Variants in FOXP1 observed in about 807,000 individuals in gnomAD.
The protein encoded by FOXP1 is forkhead box protein P1.
FOXP1 carries 15 observed loss-of-function variants against 98.2 expected under a neutral mutation model. The ratio of observed to expected loss-of-function variants is 0.15; its 90% CI spans 0.10 to 0.24. FOXP1 has a LOEUF of 0.24. Among genes scored for constraint, FOXP1 ranks in the 10% least tolerant of loss-of-function variants. FOXP1 has a pLI of 1.00. For synonymous variants in FOXP1, 371 were observed against 314.5 expected, an observed-to-expected ratio of 1.18 and a Z score of -1.90; for missense variants, 633 against 848.5, an observed-to-expected ratio of 0.75 and a Z score of 3.15.
At chr3:71,165,677 G>T (rs1445554339) in intron 6 of FOXP1, among the ~76,000 whole-genome samples, 2 of 152,138 alleles carry the variant, frequency 1.3e-5, no homozygotes, top group Non-Finnish European at 2.9e-5. Flanking sequence ...AGGGGGACAG[G>T]TGTCGATTTA....
chr3:70,982,648 C>T lies in FOXP1; in HGVS notation c.1147-4619G>A, dbSNP rs74575357. ...AGGCATCAGCTTTTCTTTTAGCCAT[C>T]GAAACTATTCAAACTTGGTTGGCTA... On this transcript the variant is annotated intron_variant, in intron 14 of 20. Transcript: ENST00000649528. 9.3e-5 allele frequency among the ~76,000 whole-genome samples: 14 copies of T among 150,664 alleles called. No homozygotes were observed. The East Asian group carries it at 1.4e-3, about 15-fold the overall frequency.
At chr3:71,090,502 A>G (rs1021838514) in intron 7 of FOXP1, among the ~76,000 whole-genome samples, 3 of 152,340 alleles carry the variant, frequency 2.0e-5, no homozygotes, top group African/African-American at 4.8e-5. Flanking sequence ...AACTCTAACT[A>G]GAAGGCTTGA....
rs535688545 is a variant in FOXP1, at chr3:71,528,040, CAA to C, written c.-297-34487_-297-34486del. The stretch of plus-strand genomic sequence containing the variant: ...GGACATCAAGATGCCAGGAAAAAAG[CAA>C]AGAGACTTTGTGTATAGATGGTTTA... On this transcript the variant is annotated intron_variant, in intron 2 of 20. Coordinates refer to ENST00000649528, the MANE Select transcript of FOXP1 (RefSeq NM_001349338.3). Among the ~76,000 whole-genome samples the C allele has an allele frequency of 1.2e-4, 19 of 152,244 alleles. No homozygotes were observed. The South Asian group carries it at 3.7e-3, about 30-fold the overall frequency.
intron 5 of FOXP1, among the ~76,000 whole-genome samples, chr3:71,217,394 T>A (rs1440743695): frequency 1.3e-5 from 2 of 152,138 alleles, no homozygotes; most frequent in East Asian, 1.9e-4. Context: ...TCTTTTTTTT[T>A]ATTTAGGGAT....
At chr3:71,024,679 G>A (rs940324465) in intron 11 of FOXP1, among the ~76,000 whole-genome samples, 2 of 152,136 alleles carry the variant, frequency 1.3e-5, no homozygotes, top group African/African-American at 2.4e-5. Context: ...CGATATTCAT[G>A]AGTAAAACTT....
chr3:71,039,756 G>GA lies in FOXP1; in HGVS notation c.869+1571dup, dbSNP rs567940533. Among the ~76,000 whole-genome samples the GA allele has an allele frequency of 8.4e-3, 911 of 108,192 alleles. 2 individuals are homozygous for GA. The highest frequency in any genetic ancestry group is 0.018 in the East Asian group (67 of 3,804). 71.0% of individuals were successfully genotyped at this position (108,192 alleles called of 152,430 possible). A position where few individuals can be genotyped will look rare whatever the true frequency, so the allele number is the denominator to read the frequency against. On this transcript the variant is annotated intron_variant, in intron 11 of 20. Coordinates refer to ENST00000649528, the MANE Select transcript of FOXP1 (RefSeq NM_001349338.3). ...AATGCTCTCTAAGGTTTTCTTTCTT[G>GA]AAAAAAAAAAAAAAAAGAAGACATC...
chr3:71,301,397 A>T (rs1266342660), intron 4 of FOXP1, among the ~76,000 whole-genome samples: 1 of 152,110 alleles, frequency 6.6e-6, no homozygotes, highest in Non-Finnish European at 1.5e-5. Flanking sequence ...GCAGAGCCCC[A>T]CTCTACACAA....
intron 4 of FOXP1, among the ~76,000 whole-genome samples, chr3:71,316,660 CTTTT>C (rs1261668332): frequency 7.2e-6 from 1 of 139,756 alleles, no homozygotes; most frequent in African/African-American, 2.6e-5. Flanking sequence ...AGGGCATATT[CTTTT>C]TTTTTTTTTT....
intron 11 of FOXP1, among the ~76,000 whole-genome samples, chr3:71,029,774 GTCTGTT>G (rs1318199634): frequency 2.0e-5 from 3 of 152,168 alleles, no homozygotes; most frequent in Non-Finnish European, 2.9e-5. Context: ...ACTTTCAAGT[GTCTGTT>G]TCTATGTTTG....
intron 13 of FOXP1, 39 bp downstream of exon 13, chr3:71,000,933 G>T (rs2042054077): frequency 3.8e-6 from 5 of 1,318,456 alleles, no homozygotes; most frequent in Non-Finnish European, 5.5e-6. Flanking sequence ...GGAATTTGAG[G>T]CATACTGAGG....
chr3:71,154,091 TTCTTC>T lies in FOXP1; in HGVS notation c.181-41459_181-41455del, dbSNP rs766566171. 1.3e-4 allele frequency among the ~76,000 whole-genome samples: 17 copies of T among 128,900 alleles called. No homozygotes were observed. In the East Asian group the frequency reaches 5.3e-3, roughly 40 times the overall value. 84.6% of individuals were successfully genotyped at this position (128,900 alleles called of 152,430 possible). ...CCCCTTTGCATTCTTCTTCTTCTTC[TTCTTC>T]TTTTTTTTTGCAATTGACTAATAAT... On this transcript the variant is annotated intron_variant, in intron 6 of 20. Coordinates refer to ENST00000649528, the MANE Select transcript of FOXP1 (RefSeq NM_001349338.3).
At chr3:71,177,844 T>C (rs1222746657) in intron 6 of FOXP1, among the ~76,000 whole-genome samples, 22 of 143,214 alleles carry the variant, frequency 1.5e-4, no homozygotes, top group Admixed American at 2.8e-4. Flanking sequence ...TTCTTTCTTT[T>C]TTTTTTTTTT....
In FOXP1 at chr3:71,121,201, C is replaced by G. The variant is rs1294793182; in HGVS notation, c.181-8564G>C. Among the ~76,000 whole-genome samples, 2 of 151,932 alleles carry G rather than the reference C, an allele frequency of 1.3e-5. 1 individual carries two copies. Among genetic ancestry groups the G allele is most frequent in the African/African-American group, 4.8e-5 (2 of 41,368 alleles). On this transcript the variant is annotated intron_variant, in intron 6 of 20. Coordinates refer to ENST00000649528, the MANE Select transcript of FOXP1 (RefSeq NM_001349338.3). Reference sequence around the variant, plus strand: ...TGGACAGAGAGAGATGCCGAAGGCTCTAGATAGGAGGTGGCATTCTGCTAC... The same window carrying G: ...TGGACAGAGAGAGATGCCGAAGGCTGTAGATAGGAGGTGGCATTCTGCTAC...
At chr3:71,292,702 T>C (rs1226754317) in intron 5 of FOXP1, 3 of 152,174 alleles carry the variant, frequency 2.0e-5, no homozygotes. Context: ...TACCTTTAAT[T>C]ACATACCACA....
chr3:71,295,912 T>C lies in FOXP1; in HGVS notation c.-12+3908A>G, dbSNP rs757775094. On this transcript the variant is annotated intron_variant, in intron 5 of 20. Coordinates refer to ENST00000649528, the MANE Select transcript of FOXP1 (RefSeq NM_001349338.3). Reference sequence around the variant, plus strand: ...TTCTGGATGACCTTGGGTAAACTATTTATCATCAACGGGACCGTTTTTCCA... The same window carrying C: ...TTCTGGATGACCTTGGGTAAACTATCTATCATCAACGGGACCGTTTTTCCA... 6.0e-4 allele frequency among the ~76,000 whole-genome samples: 91 copies of C among 152,202 alleles called. 1 individual carries two copies. The highest frequency in any genetic ancestry group is 1.0e-3 in the Non-Finnish European group (71 of 68,034).
chr3:71,411,907 G>A (rs552453571), intron 3 of FOXP1, among the ~76,000 whole-genome samples: 49 of 152,320 alleles, frequency 3.2e-4, no homozygotes, highest in Non-Finnish European at 5.9e-4. Flanking sequence ...TCCACCGACT[G>A]AGACGTGGAT....
chr3:71,451,121 T>C (rs897319197), intron 3 of FOXP1, among the ~76,000 whole-genome samples: 11 of 152,202 alleles, frequency 7.2e-5, no homozygotes, highest in African/African-American at 2.4e-4. Flanking sequence ...TATTGTTTTA[T>C]TACAGTTCAA....
chr3:70,974,468 T>A (rs976442371), intron 17 of FOXP1, among the ~76,000 whole-genome samples: 2 of 151,394 alleles, frequency 1.3e-5, no homozygotes, highest in Non-Finnish European at 1.5e-5. Context: ...CAGCTAATTT[T>A]AAAAATTTTT....
rs1182907964 is a variant in FOXP1 at position 70,955,912 on chromosome 3, T to C, written c.*3335A>G. The stretch of plus-strand genomic sequence containing the variant: ...AACAGAAAAAAGAAATCTTCAACTA[T>C]GTTACAGTTTAAAAGCAGAAAAAAA... On this transcript the variant is annotated 3_prime_UTR_variant, in exon 21 of 21. Coordinates refer to ENST00000649528, the MANE Select transcript of FOXP1 (RefSeq NM_001349338.3). 6 of 232,802 alleles carry C rather than the reference T, an allele frequency of 2.6e-5. No individual in the cohort carries two copies. The highest frequency in any genetic ancestry group is 4.2e-5 in the Non-Finnish European group (5 of 118,000). 14.4% of individuals were successfully genotyped at this position (232,802 alleles called of 1,614,324 possible).
Sources: gnomAD v4.1 joint callset for allele counts (sites outside exome capture counted in the v4.1 genomes callset) on GRCh38, gnomAD v4.1.1 for gene constraint, MANE v1.5 for transcripts, NCBI Gene and HGNC (gene_info 2026-07-23, HGNC 2026-07-21) for gene names.